STIM2: variants seen among roughly 807,000 people sequenced by gnomAD.
The protein encoded by STIM2 is stromal interaction molecule 2.
A neutral mutation model predicts 85.8 loss-of-function variants in STIM2; 31 were observed. That is an observed-to-expected ratio of 0.36 (90% CI 0.27 to 0.49). The LOEUF (loss-of-function observed/expected upper bound fraction) is 0.49, where lower values mean the gene tolerates loss of function less well. Ranked by LOEUF, STIM2 falls within the 20% of genes least tolerant of loss-of-function variation. The pLI, the probability that STIM2 is intolerant of heterozygous loss-of-function variation, is 0.98. For missense variants in STIM2, 841 were observed against 927.6 expected, an observed-to-expected ratio of 0.91 and a Z score of 1.21; for synonymous variants, 356 against 331.1, an observed-to-expected ratio of 1.08 and a Z score of -0.82.
At chr4:26,888,024 T>G (rs1723326037) in intron 1 of STIM2, among the ~76,000 whole-genome samples, 1 of 152,244 alleles carries the variant, frequency 6.6e-6, no homozygotes, top group South Asian at 2.1e-4. Flanking sequence ...TCCTGCTGAT[T>G]GGATCAGGCC....
chr4:26,987,461 G>GTA (rs940308625), intron 3 of STIM2, among the ~76,000 whole-genome samples: 7 of 152,238 alleles, frequency 4.6e-5, no homozygotes, highest in Non-Finnish European at 1.0e-4. Context: ...ATCCACAAAT[G>GTA]TATAGTCCCG....
intron 3 of STIM2, among the ~76,000 whole-genome samples, chr4:26,959,145 A>G (rs2109094673): frequency 6.6e-6 from 1 of 152,304 alleles, no homozygotes; most frequent in Non-Finnish European, 1.5e-5. Flanking sequence ...GTAGTGACTC[A>G]GAGTAATAGT....
chr4:26,863,882 C>A (rs1298539153), intron 1 of STIM2, among the ~76,000 whole-genome samples: 1 of 152,098 alleles, frequency 6.6e-6, no homozygotes, highest in Non-Finnish European at 1.5e-5. Context: ...TTTCTGTTTT[C>A]TTCTCGAGAT....
chr4:26,892,094 C>T (rs1723512377), intron 1 of STIM2, among the ~76,000 whole-genome samples: 2 of 152,192 alleles, frequency 1.3e-5, no homozygotes, highest in Non-Finnish European at 2.9e-5. Flanking sequence ...TCCTCCTTAC[C>T]TTCTGCCATA....
intron 1 of STIM2, among the ~76,000 whole-genome samples, chr4:26,865,350 T>C (rs28391037): frequency 0.31 from 47,261 of 152,008 alleles, 7,354 homozygotes; most frequent in East Asian, 0.4. Flanking sequence ...CTGGCCTCTG[T>C]TGGGAATCTC....
intron 3 of STIM2, among the ~76,000 whole-genome samples, chr4:26,961,185 A>G (rs16878645): frequency 0.015 from 2,288 of 152,296 alleles, 50 homozygotes; most frequent in African/African-American, 0.052. Flanking sequence ...AGACAAGGGC[A>G]AAGTGCATGA....
chr4:26,906,706 AGATT>A (rs775694111), intron 1 of STIM2, among the ~76,000 whole-genome samples: 3 of 152,092 alleles, frequency 2.0e-5, no homozygotes, highest in Non-Finnish European at 4.4e-5. Flanking sequence ...GATATTCTGT[AGATT>A]GATTGCCTGA....
Position 26,999,238 on chromosome 4 carries a change from A to C in STIM2, c.516A>C (p.Ala172=). 3 of 1,590,522 alleles carry C rather than the reference A, an allele frequency of 1.9e-6. No homozygotes were observed. Among genetic ancestry groups the C allele is most frequent in the Non-Finnish European group, 2.6e-6 (3 of 1,164,094 alleles). Residue 172 remains alanine (A), a synonymous_variant, in exon 5 of 12, where the codon GCA becomes GCC. Coordinates refer to ENST00000467087, the MANE Select transcript of STIM2 (RefSeq NM_020860.4). ...GTGTTTTTCAAATAAACAGGATAGC[A>C]GTGCACGAACCTTCATTTATGATCT...
At chr4:26,951,851 TAA>T (rs1391962806) in intron 2 of STIM2, among the ~76,000 whole-genome samples, 2 of 152,160 alleles carry the variant, frequency 1.3e-5, no homozygotes, top group Admixed American at 6.6e-5. Context: ...TGATCATGTC[TAA>T]GTAATGGATG....
intron 3 of STIM2, among the ~76,000 whole-genome samples, chr4:26,992,191 A>C (rs1046913558): frequency 2.6e-5 from 4 of 152,162 alleles, no homozygotes; most frequent in Non-Finnish European, 5.9e-5. Flanking sequence ...TCCTTGTCTC[A>C]CCATTAAAAT....
At chr4:26,995,514 A>G (rs1577485841) in intron 4 of STIM2, 24 bp downstream of exon 4, 3 of 1,470,108 alleles carry the variant, frequency 2.0e-6, no homozygotes, top group Non-Finnish European at 2.8e-6. Context: ...ATGCAAATGT[A>G]TTTTCCACTC....
intron 3 of STIM2, among the ~76,000 whole-genome samples, chr4:26,973,062 C>G (rs944169477): frequency 6.6e-6 from 1 of 151,954 alleles, no homozygotes; most frequent in East Asian, 1.9e-4. Context: ...TGGTAGTTTG[C>G]GTTTCTGTGG....
At chr4:26,978,092 A>G (rs1455592181) in intron 3 of STIM2, among the ~76,000 whole-genome samples, 1 of 152,062 alleles carries the variant, frequency 6.6e-6, no homozygotes, top group African/African-American at 2.4e-5. Flanking sequence ...AAAGTCTTTG[A>G]TTGGAATGGA....
Position 27,017,801 on chromosome 4 carries a change from A to G in STIM2, c.1580A>G (p.Gln527Arg). ...ATTGTGCCGTCCTCGCCTCAGCCTC[A>G]GCGAGCTCAGCTTGCTCCACACGCC... The change falls in exon 11 of 12, where the codon CAG becomes CGG. Residue 527 changes from glutamine to arginine, a missense_variant. By Grantham distance (43) the Gln-to-Arg change is conservative. Around this residue, in one of 3 missense-constraint regions of STIM2, gnomAD observed 293 missense variants for 284.5 expected, o/e 1.03. Transcript: ENST00000467087. 2 of 1,614,066 alleles carry G rather than the reference A, an allele frequency of 1.2e-6. No individual in the cohort carries two copies. Among genetic ancestry groups the G allele is most frequent in the Non-Finnish European group, 8.5e-7 (1 of 1,180,006 alleles).
At chr4:26,873,046 A>G (rs1722685191) in intron 1 of STIM2, among the ~76,000 whole-genome samples, 1 of 152,186 alleles carries the variant, frequency 6.6e-6, no homozygotes, top group African/African-American at 2.4e-5. Context: ...GGCTATAGAA[A>G]AGGGAAGGGC....
chr4:26,862,304 G>A (rs1409781645), intron 1 of STIM2, among the ~76,000 whole-genome samples: 1 of 139,412 alleles, frequency 7.2e-6, no homozygotes, highest in Non-Finnish European at 1.5e-5. Flanking sequence ...AAAAGTAATG[G>A]AGCTAAAATA....
intron 1 of STIM2, among the ~76,000 whole-genome samples, chr4:26,865,664 T>A (rs899364040): frequency 1.3e-5 from 2 of 152,172 alleles, no homozygotes; most frequent in Non-Finnish European, 2.9e-5. Flanking sequence ...TAAAACTAAC[T>A]GCTAATAATA....
intron 1 of STIM2, among the ~76,000 whole-genome samples, chr4:26,884,248 G>A (rs1395704501): frequency 6.6e-6 from 1 of 152,140 alleles, no homozygotes; most frequent in East Asian, 1.9e-4. Context: ...AATAACATGT[G>A]TTCTCCAGTA....
intron 1 of STIM2, among the ~76,000 whole-genome samples, chr4:26,891,554 TACATACACAC>T (rs902883549): frequency 5.1e-4 from 57 of 112,296 alleles, no homozygotes; most frequent in African/African-American, 1.4e-3. Context: ...TGTGTATACA[TACATACACAC>T]ACACACACAC....
Sources: gnomAD v4.1 joint callset for allele counts (sites outside exome capture counted in the v4.1 genomes callset) on GRCh38, gnomAD v4.1.1 for gene constraint, gnomAD v4.1.1 regional missense constraint, MANE v1.5 for transcripts, NCBI Gene and HGNC (gene_info 2026-07-23, HGNC 2026-07-21) for gene names.